Variants in LAMA1 observed in about 807,000 individuals in gnomAD.
The protein encoded by LAMA1 is laminin subunit alpha 1, also known as laminin subunit alpha-1.
LAMA1 carries 219 observed loss-of-function variants against 348.7 expected under a neutral mutation model. The ratio of observed to expected loss-of-function variants is 0.63; its 90% confidence interval spans 0.56 to 0.70. The LOEUF (loss-of-function observed/expected upper bound fraction) is 0.70, where lower values mean the gene tolerates loss of function less well. Ranked by LOEUF, LAMA1 falls within the 30% of genes least tolerant of loss-of-function variation. LAMA1 has a pLI of 0.00. For missense variants in LAMA1, 3,744 were observed against 3,888.0 expected (o/e 0.96, Z 0.99); for synonymous variants, 1,487 against 1,491.0 (o/e 1.00, Z 0.06).
chr18:7,104,663 C>G (rs1002749089), intron 1 of LAMA1, among the ~76,000 whole-genome samples: 1 of 152,126 alleles, frequency 6.6e-6, no homozygotes, highest in Non-Finnish European at 1.5e-5. Flanking sequence ...AAGTCCCACT[C>G]AATAGAGAAT....
intron 3 of LAMA1, among the ~76,000 whole-genome samples, chr18:7,078,606 G>A (rs2143779590): frequency 6.6e-6 from 1 of 152,282 alleles, no homozygotes; most frequent in South Asian, 2.1e-4. Context: ...CTCCTGAGCT[G>A]CACATCTTGC....
At chr18:7,105,147 G>T (rs1728063266) in intron 1 of LAMA1, among the ~76,000 whole-genome samples, 4 of 152,102 alleles carry the variant, frequency 2.6e-5, no homozygotes, top group Admixed American at 1.3e-4. Flanking sequence ...AATTATTAAA[G>T]ATAAGAGCAG....
chr18:6,987,175 C>T (rs145578165), intron 36 of LAMA1, among the ~76,000 whole-genome samples: 5 of 152,184 alleles, frequency 3.3e-5, no homozygotes, highest in East Asian at 3.9e-4. Flanking sequence ...TGTGGGAATC[C>T]GAACACTTAA....
chr18:7,028,068 T>C (rs976625929), intron 16 of LAMA1, among the ~76,000 whole-genome samples: 1 of 152,176 alleles, frequency 6.6e-6, no homozygotes, highest in Non-Finnish European at 1.5e-5. Context: ...GAAGCTACCA[T>C]ATCCAAAATG....
intron 19 of LAMA1, among the ~76,000 whole-genome samples, chr18:7,017,978 C>G (rs11661264): frequency 0.057 from 8,728 of 152,130 alleles, 384 homozygotes; most frequent in Admixed American, 0.12. Flanking sequence ...TACAATCTTA[C>G]GGGTCCAAAA....
chr18:7,108,567 A>G (rs540047524), intron 1 of LAMA1, among the ~76,000 whole-genome samples: 3 of 139,462 alleles, frequency 2.2e-5, no homozygotes, highest in African/African-American at 8.1e-5. Flanking sequence ...GAGGCAAGAG[A>G]ATTGCTTGAA....
Position 6,962,027 on chromosome 18 carries a change from C to T in LAMA1, c.7370G>A (p.Cys2457Tyr), listed in dbSNP as rs1380728743. The change falls in exon 52 of 63, where the codon TGC becomes TAC. Residue 2457 changes from cysteine (C) to tyrosine (Y), a missense_variant. Physicochemically the swap from Cys to Tyr is radical, Grantham distance 194. Around this residue, in one of 3 missense-constraint regions of LAMA1, gnomAD observed 1,983 missense variants for 1,934.3 expected, o/e 1.03. Transcript: ENST00000389658. ...RGVTTKSFVG[C>Y]IKNLEISRST... ...TCTGGATATTTCCAGGTTCTTGATG[C>T]AGCCCACAAAGCTTTTGGTGGTGAC... is the stretch of plus-strand genomic sequence containing the variant. 10 of 1,614,104 alleles carry T rather than the reference C, an allele frequency of 6.2e-6. No homozygotes were observed. The highest frequency in any genetic ancestry group is 8.5e-6 in the Non-Finnish European group (10 of 1,179,976).
At chr18:6,964,532 G>A (rs2057623538) in intron 51 of LAMA1, 130 bp downstream of exon 51, 5 of 1,129,930 alleles carry the variant, frequency 4.4e-6, no homozygotes, top group Non-Finnish European at 6.6e-6. Context: ...TGGACTTGCA[G>A]CCTCTAGAAC....
chr18:7,034,068 A>G (rs1337380443), intron 14 of LAMA1, among the ~76,000 whole-genome samples: 4 of 152,202 alleles, frequency 2.6e-5, no homozygotes, highest in Non-Finnish European at 2.9e-5. Context: ...TTGGCACGGC[A>G]TTGCCAGAAA....
chr18:7,085,413 C>CTTTTTTT (rs36122063), intron 1 of LAMA1, among the ~76,000 whole-genome samples: 84 of 85,256 alleles, frequency 9.9e-4, no homozygotes, highest in African/African-American at 1.7e-3. Flanking sequence ...TCTTCTTCTT[C>CTTTTTTT]TTTTTTTTTT....
intron 15 of LAMA1, among the ~76,000 whole-genome samples, 198 bp downstream of exon 15, chr18:7,032,786 T>C (rs1479453406): frequency 6.6e-6 from 1 of 152,196 alleles, no homozygotes; most frequent in Non-Finnish European, 1.5e-5. Context: ...TGTCCGGTGC[T>C]CCAGCCCATT....
intron 51 of LAMA1, chr18:6,964,151 A>G (rs2057621706): frequency 5.5e-6 from 1 of 183,096 alleles, no homozygotes; most frequent in African/African-American, 2.4e-5. Flanking sequence ...AAGGCAATAC[A>G]TATAAAATCA....
At chr18:7,109,371 A>T (rs1295228524) in intron 1 of LAMA1, among the ~76,000 whole-genome samples, 1 of 152,266 alleles carries the variant, frequency 6.6e-6, no homozygotes, top group Non-Finnish European at 1.5e-5. Context: ...TCTTCGAAAC[A>T]GAAATGTCCC....
In LAMA1 at chr18:7,038,748, G is replaced by C. The variant is rs139610913; in HGVS notation, c.1563+62C>G. 102 of 1,604,958 alleles carry C rather than the reference G, an allele frequency of 6.4e-5. No homozygotes were observed. The African/African-American group carries it at 9.9e-4, about 16-fold the overall frequency. ...TCCTCATTTCCTCCTCACACAGCTC[G>C]TGCCAAGCTTGTGCAATACGACCTG... On this transcript the variant is annotated intron_variant, in intron 11 of 62. Transcript: ENST00000389658.
rs1285254396 is a variant in LAMA1, at chr18:6,959,322, C to T, written c.7778+19G>A. ...CTCACCACACCTTCATTACACACTG[C>T]CTGGCCGCGTGCAAGTACCTCCGAT... On this transcript the variant is annotated intron_variant, in intron 54 of 62. Coordinates refer to ENST00000389658, the MANE Select transcript of LAMA1 (RefSeq NM_005559.4). 1.9e-6 allele frequency: 3 copies of T among 1,614,000 alleles called. No individual in the cohort carries two copies. The highest frequency in any genetic ancestry group is 3.3e-5 in the Admixed American group (2 of 60,004).
intron 61 of LAMA1, among the ~76,000 whole-genome samples, chr18:6,946,135 TAA>T (rs1000668097): frequency 6.6e-6 from 1 of 151,370 alleles, no homozygotes; most frequent in East Asian, 1.9e-4. Flanking sequence ...TGTTCTACAT[TAA>T]AAAAAAATTA....
At chr18:7,117,031 G>A (rs915442260) in intron 1 of LAMA1, among the ~76,000 whole-genome samples, 6 of 152,122 alleles carry the variant, frequency 3.9e-5, no homozygotes, top group Non-Finnish European at 8.8e-5. Context: ...AAAAGCGCGG[G>A]TCGGGAAGGC....
intron 1 of LAMA1, among the ~76,000 whole-genome samples, chr18:7,094,081 G>A (rs1263832134): frequency 6.6e-6 from 1 of 152,046 alleles, no homozygotes; most frequent in Non-Finnish European, 1.5e-5. Flanking sequence ...CCAGCCAAGG[G>A]CTTCTCCACT....
chr18:6,975,042 G>A lies in LAMA1; in HGVS notation c.6490-6C>T, dbSNP rs1209986646. 3 of 1,613,280 alleles carry A rather than the reference G, an allele frequency of 1.9e-6. No homozygotes were observed. Among genetic ancestry groups the A allele is most frequent in the Non-Finnish European group, 2.5e-6 (3 of 1,179,626 alleles). ...TCCACTGCAAGGAAATCAGACTGGG[G>A]GGCGAGGAATGAACGGGGATCAGTT... On this transcript the variant is annotated splice_region_variant and splice_polypyrimidine_tract_variant and intron_variant, in intron 45 of 62. Coordinates refer to ENST00000389658, the MANE Select transcript of LAMA1 (RefSeq NM_005559.4).
Sources: allele counts gnomAD v4.1 joint callset (sites outside exome capture counted in the v4.1 genomes callset), GRCh38; gene constraint gnomAD v4.1.1; regional missense constraint gnomAD v4.1.1; transcripts MANE v1.5; gene names NCBI Gene and HGNC (gene_info 2026-07-23, HGNC 2026-07-21).